Variants in RELN observed in about 807,000 individuals in gnomAD.
RELN encodes the protein reelin.
Under a neutral mutation model 427.6 loss-of-function variants are expected in RELN, and 108 were observed. That is an observed-to-expected ratio of 0.25 (90% confidence interval 0.22 to 0.30). RELN has a LOEUF of 0.30. RELN is among the 10% of genes least tolerant of loss of function. RELN has a pLI of 1.00. For missense variants in RELN, 3,715 were observed against 4,302.8 expected (o/e 0.86, Z 3.82); for synonymous variants, 1,524 against 1,513.4 (o/e 1.01, Z -0.16).
chr7:103,804,435 C>T (rs1792546687), intron 3 of RELN, among the ~76,000 whole-genome samples: 1 of 152,004 alleles, frequency 6.6e-6, no homozygotes, highest in Non-Finnish European at 1.5e-5. Flanking sequence ...CGGAATAATG[C>T]CTGTTATACT....
intron 28 of RELN, among the ~76,000 whole-genome samples, chr7:103,580,866 G>A (rs529431307): frequency 4.5e-4 from 69 of 152,196 alleles, no homozygotes; most frequent in African/African-American, 1.6e-3. Flanking sequence ...TCATTGTATC[G>A]TTGTAGCAAT....
At chr7:103,821,166 C>T (rs1793004833) in intron 3 of RELN, among the ~76,000 whole-genome samples, 1 of 152,102 alleles carries the variant, frequency 6.6e-6, no homozygotes, top group South Asian at 2.1e-4. Flanking sequence ...ACATTACAGA[C>T]TAGGAAAATG....
intron 63 of RELN, among the ~76,000 whole-genome samples, chr7:103,481,513 A>G (rs1399299444): frequency 1.3e-5 from 2 of 152,168 alleles, no homozygotes; most frequent in Admixed American, 6.5e-5. Context: ...AGCTGCTTTT[A>G]AAACAAGAAT....
At chr7:103,506,660 C>T (rs1266602241) in intron 51 of RELN, among the ~76,000 whole-genome samples, 1 of 152,022 alleles carries the variant, frequency 6.6e-6, no homozygotes, top group Non-Finnish European at 1.5e-5. Context: ...AACTAATGGG[C>T]AAAATAACCA....
chr7:103,968,359 T>C lies in RELN; in HGVS notation c.226+20772A>G, dbSNP rs1796698058. 6.6e-6 allele frequency among the ~76,000 whole-genome samples: 1 copy of C among 152,158 alleles called. No homozygotes were observed. The highest frequency in any genetic ancestry group is 1.5e-5 in the Non-Finnish European group (1 of 68,034). ...GAAGTAAGAGAACTAAAGAAGAGTA[T>C]ATTAGATTATCTCAGAGATGCTGCC... On this transcript the variant is annotated intron_variant, in intron 1 of 64. Coordinates refer to ENST00000428762, the MANE Select transcript of RELN (RefSeq NM_005045.4). This position sits in a 1 kb window ranked among gnomAD's most constrained non-coding sequence, Gnocchi z 4.3.
chr7:103,909,964 T>C (rs1795326853), intron 2 of RELN, among the ~76,000 whole-genome samples: 1 of 143,378 alleles, frequency 7.0e-6, no homozygotes, highest in African/African-American at 2.6e-5. Flanking sequence ...CATTGGTAGC[T>C]TGATGGGGAT....
At chr7:103,672,223 G>A (rs564343224) in intron 11 of RELN, among the ~76,000 whole-genome samples, 105 of 152,268 alleles carry the variant, frequency 6.9e-4, no homozygotes, top group African/African-American at 2.4e-3. Flanking sequence ...TAATGTGTTA[G>A]ATTCATTGGT....
At chr7:103,685,700 C>T (rs1401199381) in intron 10 of RELN, among the ~76,000 whole-genome samples, 1 of 152,020 alleles carries the variant, frequency 6.6e-6, no homozygotes, top group Non-Finnish European at 1.5e-5. Flanking sequence ...TAGTAGGTTA[C>T]CGATTTCTAA....
rs1316501725 is a variant in RELN at position 103,719,683 on chromosome 7, C to T, written c.805+3457G>A. Among the ~76,000 whole-genome samples the T allele has an allele frequency of 5.9e-5, 9 of 152,178 alleles. No individual in the cohort carries two copies. The East Asian group carries it at 1.5e-3, about 26-fold the overall frequency. On this transcript the variant is annotated intron_variant, in intron 8 of 64. Transcript: ENST00000428762. ...CTGAGAAAGTAGAGTTCGGAGGCAT[C>T]TGTAGGATAACACTTTGCAAGGATG... is the stretch of plus-strand genomic sequence containing the variant.
At chr7:103,851,893 A>G (rs1198457143) in intron 2 of RELN, among the ~76,000 whole-genome samples, 9 of 152,222 alleles carry the variant, frequency 5.9e-5, no homozygotes, top group Admixed American at 4.6e-4. Context: ...GGAACAGAAA[A>G]TGTGAGCCCT....
intron 2 of RELN, among the ~76,000 whole-genome samples, chr7:103,893,310 T>A (rs948176462): frequency 2.0e-5 from 3 of 152,122 alleles, no homozygotes; most frequent in Non-Finnish European, 1.5e-5. Context: ...TTTCCTTCCT[T>A]GTCTGTCTCC....
chr7:103,754,339 C>T (rs750642685), intron 4 of RELN, among the ~76,000 whole-genome samples: 16 of 151,858 alleles, frequency 1.1e-4, no homozygotes, highest in African/African-American at 1.9e-4. Flanking sequence ...AAATTGCACA[C>T]GGGGCTTACA....
intron 4 of RELN, among the ~76,000 whole-genome samples, chr7:103,770,292 G>C (rs973685390): frequency 6.6e-6 from 1 of 152,114 alleles, no homozygotes; most frequent in African/African-American, 2.4e-5. Flanking sequence ...CACTGTATTA[G>C]CCAAGATCGT....
In RELN at chr7:103,610,802, G is replaced by C. The variant is rs1291343681; in HGVS notation, c.2901C>G (p.Cys967Trp). Residue 967 changes from cysteine (C) to tryptophan (W), a missense_variant, in exon 22 of 65, where the codon TGC (cysteine) becomes TGG (tryptophan). Around this residue, in one of 4 missense-constraint regions of RELN, gnomAD observed 2,208 missense variants for 2,361.7 expected, o/e 0.93. Transcript: ENST00000428762. ...GLTWHLVQEE[C>W]LPSMPSCQEF... Reference sequence around the variant, plus strand: ...CCTGACAACTTGGCATACTTGGAAGGCATTCCTGAAAGAAAGTTAGGCACA... The same window carrying C: ...CCTGACAACTTGGCATACTTGGAAGCCATTCCTGAAAGAAAGTTAGGCACA... 3 of 1,590,344 alleles carry C rather than the reference G, an allele frequency of 1.9e-6. No homozygotes were observed. The highest frequency in any genetic ancestry group is 2.6e-6 in the Non-Finnish European group (3 of 1,158,754).
intron 47 of RELN, among the ~76,000 whole-genome samples, chr7:103,522,922 A>G (rs1026768445): frequency 1.3e-5 from 2 of 152,010 alleles, no homozygotes; most frequent in African/African-American, 4.8e-5. Context: ...AGGCCTGTGC[A>G]TCAAATACCT....
chr7:103,622,689 A>C (rs1448532681), intron 20 of RELN, among the ~76,000 whole-genome samples: 1 of 152,116 alleles, frequency 6.6e-6, no homozygotes, highest in Admixed American at 6.6e-5. Context: ...TCTAGACTCT[A>C]ATGCCTCCCA....
chr7:103,606,495 G>C (rs562423160), intron 22 of RELN, among the ~76,000 whole-genome samples: 1 of 152,074 alleles, frequency 6.6e-6, no homozygotes, highest in African/African-American at 2.4e-5. Context: ...TCAAATAAAA[G>C]GTTTAGGCAA....
intron 20 of RELN, among the ~76,000 whole-genome samples, chr7:103,622,786 C>T (rs1483437998): frequency 6.6e-6 from 1 of 152,180 alleles, no homozygotes; most frequent in Non-Finnish European, 1.5e-5. Flanking sequence ...CCTAACAGCA[C>T]TTATCACGGT....
At chr7:103,674,207 C>A (rs1272765006) in intron 11 of RELN, among the ~76,000 whole-genome samples, 2 of 152,146 alleles carry the variant, frequency 1.3e-5, no homozygotes, top group Non-Finnish European at 2.9e-5. Context: ...CTTGTTTCAA[C>A]AATCATATAT....
Sources: allele counts gnomAD v4.1 joint callset (sites outside exome capture counted in the v4.1 genomes callset), GRCh38; gene constraint gnomAD v4.1.1; regional missense constraint gnomAD v4.1.1; non-coding constraint Gnocchi (gnomAD v3.1); transcripts MANE v1.5; gene names NCBI Gene and HGNC (gene_info 2026-07-23, HGNC 2026-07-21).